TUBGCP3: variants seen among roughly 807,000 people sequenced by gnomAD.
The protein encoded by TUBGCP3 is gamma-tubulin complex component 3.
TUBGCP3 carries 50 observed loss-of-function variants against 123.1 expected under a neutral mutation model. The observed-to-expected ratio is 0.41, with a 90% CI of 0.32 to 0.51. TUBGCP3 has a LOEUF of 0.51. Among genes scored for constraint, TUBGCP3 ranks in the 20% least tolerant of loss-of-function variants. TUBGCP3 has a pLI of 0.36. For synonymous variants in TUBGCP3, 405 were observed against 413.9 expected (o/e 0.98, Z 0.26); for missense variants, 882 against 1,127.0 (o/e 0.78, Z 3.11).
intron 3 of TUBGCP3, among the ~76,000 whole-genome samples, chr13:112,563,383 C>T (rs1880674452): frequency 6.6e-6 from 1 of 152,046 alleles, no homozygotes; most frequent in Non-Finnish European, 1.5e-5. Flanking sequence ...TTGGTTTAAT[C>T]GTTGGTCTTA....
Position 112,516,575 on chromosome 13 carries a change from C to G in TUBGCP3, c.1951G>C (p.Val651Leu). 1 of 1,612,454 alleles carries G rather than the reference C, an allele frequency of 6.2e-7. No homozygotes were observed. Among genetic ancestry groups the G allele is most frequent in the Non-Finnish European group, 8.5e-7 (1 of 1,179,268 alleles). ...DYHVDGPIAT[V>L]FTRECMSHYL... ...TGGCTCATACATTCTCGAGTAAACA[C>G]CTGGGATAACAGCAGAAGACAAGTT... Residue 651 changes from valine to leucine, a missense_variant and splice_region_variant, in exon 17 of 22, where the codon GTG (valine) becomes CTG (leucine). By Grantham distance (32) the Val-to-Leu change is conservative. Transcript: ENST00000261965.
At chr13:112,507,779 G>A (rs751801743) in intron 17 of TUBGCP3, among the ~76,000 whole-genome samples, 63 of 152,092 alleles carry the variant, frequency 4.1e-4, no homozygotes, top group African/African-American at 8.2e-4. Context: ...TCACTGTTGC[G>A]CTATTTATGA....
Position 112,485,911 on chromosome 13 carries a change from G to A in TUBGCP3, c.*82C>T, listed in dbSNP as rs1879625813. 2 of 1,063,754 alleles carry A rather than the reference G, an allele frequency of 1.9e-6. No homozygotes were observed. The highest frequency in any genetic ancestry group is 2.7e-6 in the Non-Finnish European group (2 of 739,872). 65.9% of individuals were successfully genotyped at this position (1,063,754 alleles called of 1,614,324 possible). A position where few individuals can be genotyped will look rare whatever the true frequency, so the allele number is the denominator to read the frequency against. Reference sequence around the variant, plus strand: ...AAGGGCAGGACACCTGCAGCATGCAGTTCCTGCAGGACGTCAATGGGAATT... The same window carrying A: ...AAGGGCAGGACACCTGCAGCATGCAATTCCTGCAGGACGTCAATGGGAATT... On this transcript the variant is annotated 3_prime_UTR_variant, in exon 22 of 22. Coordinates refer to ENST00000261965, the MANE Select transcript of TUBGCP3 (RefSeq NM_006322.6).
Position 112,527,474 on chromosome 13 carries a change from G to A in TUBGCP3, c.1346C>T (p.Ala449Val), listed in dbSNP as rs771933325. ...LEDTYHEFFV[A>V]SDPTVKTDRL... ...ATCTGTTTTAACTGTTGGATCTGAT[G>A]CTACAAAAAACTGAAAGCAAAGGGG... The change falls in exon 12 of 22, where the codon GCA (alanine) becomes GTA (valine). Residue 449 changes from alanine (A) to valine (V), a missense_variant. Transcript: ENST00000261965. 1 of 1,612,214 alleles carries A rather than the reference G, an allele frequency of 6.2e-7. No individual in the cohort carries two copies.
At chr13:112,596,386 T>C in the TUBGCP3 span, among the ~76,000 whole-genome samples, 2 of 152,352 alleles carry the variant, frequency 1.3e-5, no homozygotes, top group African/African-American at 2.4e-5. Context: ...TCACAAGATA[T>C]AGAATTCTGA....
intron 16 of TUBGCP3, among the ~76,000 whole-genome samples, chr13:112,518,254 A>T (rs1876322428): frequency 6.6e-6 from 1 of 152,222 alleles, no homozygotes; most frequent in Non-Finnish European, 1.5e-5. Flanking sequence ...AACAGCACGA[A>T]GCAGGCTCTA....
chr13:112,493,548 A>G (rs1363941110), intron 20 of TUBGCP3, among the ~76,000 whole-genome samples: 2 of 148,300 alleles, frequency 1.3e-5, no homozygotes, highest in Non-Finnish European at 3.0e-5. Context: ...TACCTTTGGG[A>G]ACAGGGCCTG....
intron 8 of TUBGCP3, among the ~76,000 whole-genome samples, chr13:112,553,398 T>C (rs1879756573): frequency 6.6e-6 from 1 of 152,264 alleles, no homozygotes; most frequent in African/African-American, 2.4e-5. Context: ...GAGATTTCAT[T>C]GGCAGTAATT....
At chr13:112,527,709 T>A (rs905905181) in intron 11 of TUBGCP3, among the ~76,000 whole-genome samples, 3 of 152,242 alleles carry the variant, frequency 2.0e-5, no homozygotes, top group South Asian at 2.1e-4. Context: ...ACAAGTTATG[T>A]CTTCCTTGGA....
upstream of TUBGCP3, chr13:112,588,291 C>T (rs1244899599): frequency 2.0e-5 from 5 of 247,250 alleles, no homozygotes; most frequent in Non-Finnish European, 3.9e-5. Context: ...ACAGGTGGCC[C>T]GAGGCCCTCG....
At chr13:112,488,299 G>A (rs1283243634) in intron 21 of TUBGCP3, among the ~76,000 whole-genome samples, 4 of 152,052 alleles carry the variant, frequency 2.6e-5, no homozygotes, top group Non-Finnish European at 4.4e-5. Context: ...AGTGATCAGC[G>A]ACTGAACAGA....
intron 11 of TUBGCP3, among the ~76,000 whole-genome samples, chr13:112,529,937 G>A (rs1877443918): frequency 6.6e-6 from 1 of 152,200 alleles, no homozygotes; most frequent in Non-Finnish European, 1.5e-5. Context: ...TTAGCAAAAT[G>A]TAATGGTCAA....
At chr13:112,521,740 C>G (rs1876643440) in intron 14 of TUBGCP3, 8 of 985,416 alleles carry the variant, frequency 8.1e-6, no homozygotes, top group Non-Finnish European at 9.6e-6. Context: ...CAGGCCCAGG[C>G]TGTGGACCCC....
At chr13:112,554,278 T>C (rs1445697993) in intron 7 of TUBGCP3, 96 bp from the exon 8 acceptor site, 20 of 1,393,774 alleles carry the variant, frequency 1.4e-5, no homozygotes, top group Non-Finnish European at 1.9e-5. Context: ...AATACTATAA[T>C]CCTTAGGCTT....
intron 2 of TUBGCP3, among the ~76,000 whole-genome samples, chr13:112,568,207 G>A (rs150708835): frequency 6.6e-6 from 1 of 151,748 alleles, no homozygotes; most frequent in East Asian, 2.0e-4. Flanking sequence ...CTTCTAGAAG[G>A]TGTTATCACT....
chr13:112,504,169 AAAC>A lies in TUBGCP3; in HGVS notation c.2176-9_2176-7del, dbSNP rs746768027. On this transcript the variant is annotated splice_polypyrimidine_tract_variant and splice_region_variant and intron_variant, in intron 18 of 21. Transcript: ENST00000261965. The stretch of plus-strand genomic sequence containing the variant: ...TCCCAAGAACATTCAAGCACCTGGG[AAAC>A]AACAATTTAAAGACGCTAGATAAGC... 91 of 1,614,000 alleles carry A rather than the reference AAAC, an allele frequency of 5.6e-5. No individual in the cohort carries two copies. The highest frequency in any genetic ancestry group is 7.6e-5 in the Non-Finnish European group (90 of 1,180,020).
chr13:112,509,102 A>G (rs1881497253), intron 17 of TUBGCP3, among the ~76,000 whole-genome samples: 1 of 152,020 alleles, frequency 6.6e-6, no homozygotes, highest in South Asian at 2.1e-4. Flanking sequence ...TTAGCTGAAC[A>G]TGCTGCTCTC....
intron 1 of TUBGCP3, among the ~76,000 whole-genome samples, chr13:112,572,273 C>A (rs746073880): frequency 8.5e-5 from 13 of 152,246 alleles, no homozygotes; most frequent in East Asian, 1.9e-4. Context: ...ATTATTATTT[C>A]TTCTAAAAAA....
At chr13:112,503,438 C>G (rs758144811) in intron 19 of TUBGCP3, among the ~76,000 whole-genome samples, 3 of 152,128 alleles carry the variant, frequency 2.0e-5, no homozygotes, top group African/African-American at 7.2e-5. Context: ...GGCGTGATCT[C>G]GGCTCACTGC....
Sources: allele counts gnomAD v4.1 joint callset (sites outside exome capture counted in the v4.1 genomes callset), GRCh38; gene constraint gnomAD v4.1.1; transcripts MANE v1.5; gene names NCBI Gene and HGNC (gene_info 2026-07-23, HGNC 2026-07-21).